Variants in RAB31 observed in about 807,000 individuals in gnomAD.
The protein encoded by RAB31 is RAB31, member RAS oncogene family, also known as ras-related protein Rab-31.
In RAB31, 21 loss-of-function variants were observed where a neutral mutation model predicts 25.6. That is an observed-to-expected ratio of 0.82 (90% CI 0.58 to 1.18). The LOEUF is 1.18. Among genes scored for constraint, RAB31 ranks in the 50% most tolerant of loss-of-function variants. The pLI, the probability that RAB31 is intolerant of heterozygous loss-of-function variation, is 0.00. For synonymous variants in RAB31, 87 were observed against 84.0 expected (o/e 1.04, Z -0.20); for missense variants, 196 against 250.1 (o/e 0.78, Z 1.46).
chr18:9,712,792 A>G (rs550550443), intron 1 of RAB31, among the ~76,000 whole-genome samples: 50 of 152,248 alleles, frequency 3.3e-4, no homozygotes, highest in South Asian at 2.3e-3. Context: ...AGAGATTTAT[A>G]TTTGGACTTT....
At chr18:9,717,171 C>T (rs935995998) in intron 1 of RAB31, among the ~76,000 whole-genome samples, 1 of 152,140 alleles carries the variant, frequency 6.6e-6, no homozygotes, top group Non-Finnish European at 1.5e-5. Flanking sequence ...CCTCAACCTC[C>T]CAGTCTCAAG....
chr18:9,727,977 AGTT>A, intron 1 of RAB31, among the ~76,000 whole-genome samples: 1 of 152,332 alleles, frequency 6.6e-6, no homozygotes, highest in South Asian at 2.1e-4. Context: ...GTCTTTTTAA[AGTT>A]GTTTTTAATG....
chr18:9,825,254 A>C (rs1309030412), intron 5 of RAB31, among the ~76,000 whole-genome samples: 1 of 152,220 alleles, frequency 6.6e-6, no homozygotes, highest in African/African-American at 2.4e-5. Flanking sequence ...TTTCTGAACA[A>C]GTAGCACATG....
chr18:9,789,695 A>G (rs927667755), intron 2 of RAB31, among the ~76,000 whole-genome samples: 2 of 152,198 alleles, frequency 1.3e-5, no homozygotes, highest in African/African-American at 4.8e-5. Context: ...TGAAATACAT[A>G]TGTTGCTTTT....
At chr18:9,740,213 T>A (rs1245440030) in intron 1 of RAB31, among the ~76,000 whole-genome samples, 1 of 152,202 alleles carries the variant, frequency 6.6e-6, no homozygotes, top group Non-Finnish European at 1.5e-5. Flanking sequence ...TTTGAGAACA[T>A]CCAGGATAAT....
intron 6 of RAB31, among the ~76,000 whole-genome samples, chr18:9,848,918 T>C (rs1263709660): frequency 1.3e-5 from 2 of 152,196 alleles, no homozygotes; most frequent in African/African-American, 2.4e-5. Context: ...CTTACAAAAA[T>C]ATGTTATCTT....
At chr18:9,714,254 G>A (rs1236561972) in intron 1 of RAB31, among the ~76,000 whole-genome samples, 2 of 152,222 alleles carry the variant, frequency 1.3e-5, no homozygotes, top group African/African-American at 4.8e-5. Context: ...TCCACAGATG[G>A]GAGCAGGAGG....
intron 5 of RAB31, among the ~76,000 whole-genome samples, chr18:9,828,022 C>T (rs941058947): frequency 3.3e-5 from 5 of 152,036 alleles, no homozygotes; most frequent in Admixed American, 1.3e-4. Flanking sequence ...AGGCATGGGA[C>T]GACATGCGTC....
chr18:9,832,859 G>A (rs954795564), intron 5 of RAB31, among the ~76,000 whole-genome samples: 5 of 152,156 alleles, frequency 3.3e-5, no homozygotes, highest in African/African-American at 1.2e-4. Flanking sequence ...AACTCACAGC[G>A]GAAGTCCAAA....
At chr18:9,781,977 C>A (rs1316144457) in intron 2 of RAB31, among the ~76,000 whole-genome samples, 1 of 152,194 alleles carries the variant, frequency 6.6e-6, no homozygotes, top group East Asian at 1.9e-4. Flanking sequence ...AATAGAGAAT[C>A]AGGAGACTGG....
chr18:9,814,429 CT>C (rs2068590810), intron 4 of RAB31, among the ~76,000 whole-genome samples: 1 of 152,154 alleles, frequency 6.6e-6, no homozygotes, highest in Non-Finnish European at 1.5e-5. Context: ...ATACTACATA[CT>C]TAAAATGCCA....
intron 1 of RAB31, among the ~76,000 whole-genome samples, chr18:9,750,120 T>A (rs1445348074): frequency 6.6e-6 from 1 of 152,070 alleles, no homozygotes; most frequent in East Asian, 1.9e-4. Context: ...TGTGGAGGCG[T>A]GGGCAGCGAG....
chr18:9,824,308 GTA>G (rs1555690774), intron 5 of RAB31, among the ~76,000 whole-genome samples: 31 of 140,136 alleles, frequency 2.2e-4, no homozygotes, highest in African/African-American at 8.0e-4. Flanking sequence ...GTGTAGATGT[GTA>G]TGTGTGTGTA....
At chr18:9,858,671 G>A (rs1249240046) in intron 6 of RAB31, among the ~76,000 whole-genome samples, 1 of 152,224 alleles carries the variant, frequency 6.6e-6, no homozygotes, top group Non-Finnish European at 1.5e-5. Context: ...TATGAAAAGT[G>A]TCTCTGTAGG....
At chr18:9,793,516 G>A (rs909280735) in intron 3 of RAB31, among the ~76,000 whole-genome samples, 1 of 152,088 alleles carries the variant, frequency 6.6e-6, no homozygotes, top group Non-Finnish European at 1.5e-5. Context: ...CAAAAAATTA[G>A]CCAGGTGTGG....
At chr18:9,762,427 A>C (rs1283391732) in intron 1 of RAB31, among the ~76,000 whole-genome samples, 1 of 152,198 alleles carries the variant, frequency 6.6e-6, no homozygotes, top group East Asian at 1.9e-4. Flanking sequence ...TGCTCCCTCC[A>C]GGAGGTGGGT....
At chr18:9,858,354 T>C (rs578228340) in intron 6 of RAB31, among the ~76,000 whole-genome samples, 2 of 152,312 alleles carry the variant, frequency 1.3e-5, no homozygotes, top group South Asian at 4.1e-4. Flanking sequence ...ATTTCCAGAT[T>C]CCATTGCCTT....
chr18:9,734,155 G>A (rs933162208), intron 1 of RAB31, among the ~76,000 whole-genome samples: 1 of 151,530 alleles, frequency 6.6e-6, no homozygotes, highest in African/African-American at 2.4e-5. Context: ...ATGCACTCAG[G>A]TCCTCAGGTA....
At chr18:9,727,057 T>C (rs1599013991) in intron 1 of RAB31, among the ~76,000 whole-genome samples, 1 of 152,188 alleles carries the variant, frequency 6.6e-6, no homozygotes, top group Non-Finnish European at 1.5e-5. Flanking sequence ...TAATAGACGT[T>C]CTTAGGACCA....
Sources: allele counts gnomAD v4.1 joint callset (sites outside exome capture counted in the v4.1 genomes callset), GRCh38; gene constraint gnomAD v4.1.1; transcripts MANE v1.5; gene names NCBI Gene and HGNC (gene_info 2026-07-23, HGNC 2026-07-21).